Variants in SRRT observed in about 807,000 individuals in gnomAD.
The protein encoded by SRRT is serrate, RNA effector molecule, also known as serrate RNA effector molecule homolog.
A neutral mutation model predicts 103.2 loss-of-function variants in SRRT; 32 were observed. That is an observed-to-expected ratio of 0.31 (90% CI 0.23 to 0.42). The LOEUF (loss-of-function observed/expected upper bound fraction) is 0.42. SRRT is among the 10% of genes least tolerant of loss of function. SRRT has a pLI of 1.00. For synonymous variants in SRRT, 525 were observed against 449.0 expected (o/e 1.17, Z -2.14); for missense variants, 986 against 1,207.5 (o/e 0.82, Z 2.72).
intron 7 of SRRT, 24 bp from the exon 8 acceptor site, chr7:100,884,716 C>T (rs774069942): frequency 3.7e-6 from 6 of 1,609,440 alleles, no homozygotes; most frequent in Non-Finnish European, 5.1e-6. Context: ...GTTTGACATC[C>T]CCAGTGGTTG....
Position 100,885,513 on chromosome 7 carries a change from C to T in SRRT, c.1317+143C>T. On this transcript the variant is annotated intron_variant, in intron 10 of 19. Transcript: ENST00000611405. This position sits in a 1 kb window ranked among gnomAD's most constrained non-coding sequence, Gnocchi z 4.8. ...CCCCAGGTTCCATGGCCTCCGAGGA[C>T]TAGTCCTGATAGCGCCATTGGCTTT... 1 of 1,109,130 alleles carries T rather than the reference C, an allele frequency of 9.0e-7. No individual in the cohort carries two copies. Among genetic ancestry groups the T allele is most frequent in the Non-Finnish European group, 1.3e-6 (1 of 777,492 alleles). The allele number at this position is 1,109,130 out of a possible 1,614,324, so 68.7% of individuals were successfully genotyped here.
chr7:100,888,474 G>A lies in SRRT; in HGVS notation c.2556G>A (p.Arg852=). The A allele has an allele frequency of 6.2e-7, 1 of 1,614,116 alleles. No individual in the cohort carries two copies. The highest frequency in any genetic ancestry group is 8.5e-7 in the Non-Finnish European group (1 of 1,179,996). The change falls in exon 20 of 20, where the codon AGG becomes AGA. Residue 852 remains arginine (R), a splice_region_variant and synonymous_variant. Coordinates refer to ENST00000611405, the MANE Select transcript of SRRT (RefSeq NM_015908.6). ...TCATCCTGTACCTCTCACCTCACAG[G>A]ATGGTTCGTGGAGACCCAAGGGCCA... is the stretch of plus-strand genomic sequence containing the variant. The part of the protein sequence containing the change: ...QGGYPGKPRN[R]MVRGDPRAIV...
At position 100,887,612 on chromosome 7, in the gene SRRT, G is replaced by A; in HGVS notation, c.2170-91G>A. ...GGTGGGGGAACTGCTTACTGCACTG[G>A]CAGGCGGGAGCTGGGAATCCTTCCA... On this transcript the variant is annotated intron_variant, in intron 16 of 19. Coordinates refer to ENST00000611405, the MANE Select transcript of SRRT (RefSeq NM_015908.6). This position sits in a 1 kb window ranked among gnomAD's most constrained non-coding sequence, Gnocchi z 4.1. 2.5e-6 allele frequency: 4 copies of A among 1,575,880 alleles called. No individual in the cohort carries two copies. The highest frequency in any genetic ancestry group is 3.5e-6 in the Non-Finnish European group (4 of 1,156,974).
In SRRT at chr7:100,879,810, CAAA is replaced by C. The variant is rs558063196; in HGVS notation, c.123-1461_123-1459del. ...CTGAGCGACAGAGTGAGACTGTCTC[CAAA>C]AAAAAAAAAAAAAGAAGAAGAAGAA... On this transcript the variant is annotated intron_variant, in intron 2 of 19. Transcript: ENST00000611405. 5.6e-3 allele frequency among the ~76,000 whole-genome samples: 609 copies of C among 108,788 alleles called. 4 individuals carry two copies. Among genetic ancestry groups the C allele is most frequent in the African/African-American group, 0.023 (585 of 25,586 alleles). The allele number at this position is 108,788 out of a possible 152,430, so 71.4% of individuals were successfully genotyped here. A position where few individuals can be genotyped will look rare whatever the true frequency, so the allele number is the denominator to read the frequency against.
chr7:100,884,355 C>A lies in SRRT; in HGVS notation c.758-13C>A. 1.2e-6 allele frequency: 2 copies of A among 1,612,898 alleles called. No individual in the cohort carries two copies. Among genetic ancestry groups the A allele is most frequent in the Non-Finnish European group, 1.7e-6 (2 of 1,179,668 alleles). ...GGCCCTGGGGTCATGACCTCTGTTCCCTTTGTTGGTAGCCGTGATTAAGAT... is the reference window on the plus strand; with the variant it reads ...GGCCCTGGGGTCATGACCTCTGTTCACTTTGTTGGTAGCCGTGATTAAGAT... On this transcript the variant is annotated splice_polypyrimidine_tract_variant and intron_variant, in intron 6 of 19. Transcript: ENST00000611405.
chr7:100,885,405 A>C lies in SRRT; in HGVS notation c.1317+35A>C, dbSNP rs1563021830. 1 of 1,596,080 alleles carries C rather than the reference A, an allele frequency of 6.3e-7. No homozygotes were observed. The highest frequency in any genetic ancestry group is 8.6e-7 in the Non-Finnish European group (1 of 1,167,960). On this transcript the variant is annotated intron_variant, in intron 10 of 19. Coordinates refer to ENST00000611405, the MANE Select transcript of SRRT (RefSeq NM_015908.6). The surrounding 1 kb of genome is among the most constrained non-coding windows in gnomAD (Gnocchi z 4.8). Reference sequence around the variant, plus strand: ...GACCCGTGGAGTCAGGGCAGGGCTGATGGAGAAGTGGAGGGTAGAGGGAAG... The same window carrying C: ...GACCCGTGGAGTCAGGGCAGGGCTGCTGGAGAAGTGGAGGGTAGAGGGAAG...
intron 2 of SRRT, among the ~76,000 whole-genome samples, chr7:100,878,921 TTTCC>T (rs1816015904): frequency 6.6e-6 from 1 of 152,018 alleles, no homozygotes; most frequent in Non-Finnish European, 1.5e-5. Context: ...TTTCTTTTCT[TTTCC>T]TTCCTTTCTT....
Position 100,877,211 on chromosome 7 carries a change from G to A in SRRT, c.122+1499G>A, listed in dbSNP as rs543824089. ...GCCGAGACGGGCAGATCACGAGATC[G>A]AGAGATTGAGACCATCCTGGCCAAC... On this transcript the variant is annotated intron_variant, in intron 2 of 19. Transcript: ENST00000611405. 7.7e-4 allele frequency among the ~76,000 whole-genome samples: 117 copies of A among 151,252 alleles called. 1 individual carries two copies. Among genetic ancestry groups the A allele is most frequent in the Middle Eastern group, 6.8e-3 (2 of 294 alleles).
intron 2 of SRRT, chr7:100,880,797 C>T: frequency 2.9e-6 from 1 of 346,464 alleles, no homozygotes; most frequent in South Asian, 2.0e-5. Flanking sequence ...AGGGGTGATT[C>T]ATGTGGGTCT....
In SRRT at chr7:100,875,310, C is replaced by A; in HGVS notation, c.-37C>A. The A allele has an allele frequency of 9.0e-7, 1 of 1,113,932 alleles. No homozygotes were observed. The highest frequency in any genetic ancestry group is 4.5e-5 in the East Asian group (1 of 22,062). 69.0% of individuals were successfully genotyped at this position (1,113,932 alleles called of 1,614,324 possible). A position where few individuals can be genotyped will look rare whatever the true frequency, so the allele number is the denominator to read the frequency against. ...CTAGCCCGTCCGAGCGCGAGTCCAA[C>A]GGCCGCGGCCGCACCAAGGTGGGGG... On this transcript the variant is annotated 5_prime_UTR_variant, in exon 1 of 20. Coordinates refer to ENST00000611405, the MANE Select transcript of SRRT (RefSeq NM_015908.6).
In SRRT at chr7:100,887,327, G is replaced by A. The variant is rs1365981867; in HGVS notation, c.1983G>A (p.Glu661=). Reference sequence around the variant, plus strand: ...TCTGTTCCCAAACCACAGTGCTGGAGTGGCAGAAGACTTTTGAGGAGAAGC... The same window carrying A: ...TCTGTTCCCAAACCACAGTGCTGGAATGGCAGAAGACTTTTGAGGAGAAGC... The part of the protein sequence containing the change: ...PNRISHGEVL[E]WQKTFEEKLT... Residue 661 remains glutamate (E), a synonymous_variant, in exon 16 of 20, where the codon GAG becomes GAA. Transcript: ENST00000611405. This position sits in a 1 kb window ranked among gnomAD's most constrained non-coding sequence, Gnocchi z 4.1. The A allele has an allele frequency of 1.2e-6, 2 of 1,613,820 alleles. No individual in the cohort carries two copies. The highest frequency in any genetic ancestry group is 1.7e-5 in the Admixed American group (1 of 59,992).
In SRRT at chr7:100,888,091, C is replaced by T. The variant is rs778734593; in HGVS notation, c.2376C>T (p.Pro792=). 9.3e-6 allele frequency: 15 copies of T among 1,608,990 alleles called. No homozygotes were observed. The South Asian group carries it at 1.2e-4, about 13-fold the overall frequency. ...GACTCCCCTACCCACACCAGACTCC[C>T]CAGGGCCTGATGCCCTATGGTCAGC... ...TPGLPYPHQT[P]QGLMPYGQPR... Residue 792 remains proline, a synonymous_variant, in exon 18 of 20, where the codon CCC becomes CCT. Transcript: ENST00000611405.
Position 100,875,567 on chromosome 7 carries a change from C to G in SRRT, c.-18-6C>G. 1 of 1,612,986 alleles carries G rather than the reference C, an allele frequency of 6.2e-7. No individual in the cohort carries two copies. The highest frequency in any genetic ancestry group is 8.5e-7 in the Non-Finnish European group (1 of 1,179,372). On this transcript the variant is annotated splice_region_variant and splice_polypyrimidine_tract_variant and intron_variant, in intron 1 of 19. Coordinates refer to ENST00000611405, the MANE Select transcript of SRRT (RefSeq NM_015908.6). ...ACCACTCCTACCGCCTCTCCCCGGT[C>G]CCCAGGCCCCCTCAGACCGTGCCAT...
intron 4 of SRRT, 114 bp from the exon 5 acceptor site, chr7:100,881,939 G>T: frequency 6.8e-7 from 1 of 1,473,990 alleles, no homozygotes; most frequent in Non-Finnish European, 9.1e-7. Context: ...GTAGCTGTTG[G>T]GGTTTGGGGT....
Position 100,886,377 on chromosome 7 carries a change from C to G in SRRT, c.1589C>G (p.Thr530Arg). The change falls in exon 13 of 20, where the codon ACG becomes AGG. Residue 530 changes from threonine (T) to arginine (R), a missense_variant. Around this residue, in one of 6 missense-constraint regions of SRRT, gnomAD observed 349 missense variants for 446.9 expected, o/e 0.78. Coordinates refer to ENST00000611405, the MANE Select transcript of SRRT (RefSeq NM_015908.6). The part of the protein sequence containing the change: ...DIKLAAKLIH[T>R]LDDRTQLWAS... ...AAGCTGGCGGCCAAGCTGATCCACA[C>G]GCTGGATGACAGGACACAGCTTTGG... 1 of 1,613,812 alleles carries G rather than the reference C, an allele frequency of 6.2e-7. No homozygotes were observed. Among genetic ancestry groups the G allele is most frequent in the South Asian group, 1.1e-5 (1 of 91,064 alleles).
rs994893032 is a variant in SRRT, at chr7:100,887,641, C to T, written c.2170-62C>T. 1.2e-4 allele frequency: 190 copies of T among 1,580,152 alleles called. No homozygotes were observed. Among genetic ancestry groups the T allele is most frequent in the African/African-American group, 5.8e-4 (43 of 74,264 alleles). ...GCGGGAGCTGGGAATCCTTCCAGCTCGGGCCTGGGAGCGAGGCAACCCTTA... is the reference window on the plus strand; with the variant it reads ...GCGGGAGCTGGGAATCCTTCCAGCTTGGGCCTGGGAGCGAGGCAACCCTTA... On this transcript the variant is annotated intron_variant, in intron 16 of 19. Transcript: ENST00000611405. The surrounding 1 kb of genome is among the most constrained non-coding windows in gnomAD (Gnocchi z 4.1).
Position 100,888,644 on chromosome 7 carries a change from A to AC in SRRT, c.*95_*96insC. The AC allele has an allele frequency of 6.5e-7, 1 of 1,529,062 alleles. No homozygotes were observed. Among genetic ancestry groups the AC allele is most frequent in the Non-Finnish European group, 9.1e-7 (1 of 1,104,498 alleles). 94.7% of individuals were successfully genotyped at this position (1,529,062 alleles called of 1,614,324 possible). ...TTTTTGTACGATCAGCCTTACTGCT[A>AC]ATAAAAGCACTTCCACAGGGCTCCT... On this transcript the variant is annotated 3_prime_UTR_variant, in exon 20 of 20. Coordinates refer to ENST00000611405, the MANE Select transcript of SRRT (RefSeq NM_015908.6).
Position 100,887,206 on chromosome 7 carries a change from C to T in SRRT, c.1975+6C>T, listed in dbSNP as rs1790215896. The T allele has an allele frequency of 6.2e-7, 1 of 1,614,010 alleles. No homozygotes were observed. Among genetic ancestry groups the T allele is most frequent in the Non-Finnish European group, 8.5e-7 (1 of 1,179,988 alleles). On this transcript the variant is annotated splice_donor_region_variant and intron_variant, in intron 15 of 19. Coordinates refer to ENST00000611405, the MANE Select transcript of SRRT (RefSeq NM_015908.6). The surrounding 1 kb of genome is among the most constrained non-coding windows in gnomAD (Gnocchi z 4.1). The stretch of plus-strand genomic sequence containing the variant: ...CCGCATCAGTCACGGGGAAGGTGAG[C>T]TCCAGGTTCCCCTTTGTTCCCGGCT...
At position 100,886,228 on chromosome 7, in the gene SRRT, G is replaced by A; in HGVS notation, c.1459-19G>A. 5.0e-6 allele frequency: 8 copies of A among 1,604,656 alleles called. No individual in the cohort carries two copies. Among genetic ancestry groups the A allele is most frequent in the South Asian group, 4.4e-5 (4 of 90,314 alleles). On this transcript the variant is annotated intron_variant, in intron 12 of 19. Transcript: ENST00000611405. The stretch of plus-strand genomic sequence containing the variant: ...AGCGGGGTAAGTGGGGTAAGCTGCT[G>A]ATGATGTCTGCCCTCCAGCTCCGGG...
Sources: allele counts gnomAD v4.1 joint callset (sites outside exome capture counted in the v4.1 genomes callset), GRCh38; gene constraint gnomAD v4.1.1; regional missense constraint gnomAD v4.1.1; non-coding constraint Gnocchi (gnomAD v3.1); transcripts MANE v1.5; gene names NCBI Gene and HGNC (gene_info 2026-07-23, HGNC 2026-07-21).